RBFOX1: variants seen among roughly 807,000 people sequenced by gnomAD.
RBFOX1 encodes the protein RNA binding protein fox-1 homolog 1.
In RBFOX1, 8 loss-of-function variants were observed where a neutral mutation model predicts 57.7. That is an observed-to-expected ratio of 0.14 (90% CI 0.08 to 0.25). The LOEUF (loss-of-function observed/expected upper bound fraction) is 0.25. Among genes scored for constraint, RBFOX1 ranks in the 10% least tolerant of loss-of-function variants. RBFOX1 has a pLI of 1.00. For synonymous variants in RBFOX1, 326 were observed against 222.4 expected, an observed-to-expected ratio of 1.47 and a Z score of -4.15; for missense variants, 611 against 548.5, an observed-to-expected ratio of 1.11 and a Z score of -1.14.
intron 2 of RBFOX1, among the ~76,000 whole-genome samples, chr16:5,489,026 A>G (rs1017652484): frequency 2.0e-5 from 3 of 152,348 alleles, no homozygotes; most frequent in South Asian, 2.1e-4. Context: ...GCATTTTCAT[A>G]CATAAGAACG....
At chr16:6,211,103 C>G (rs536135858) in intron 1 of RBFOX1, among the ~76,000 whole-genome samples, 3 of 135,706 alleles carry the variant, frequency 2.2e-5, no homozygotes, top group Non-Finnish European at 5.0e-5. Flanking sequence ...GACCCTTACT[C>G]CAGGGGATGT....
chr16:7,376,963 C>T (rs2097696448), intron 4 of RBFOX1, among the ~76,000 whole-genome samples: 2 of 152,064 alleles, frequency 1.3e-5, no homozygotes, highest in African/African-American at 4.8e-5. Flanking sequence ...AACATAGTAT[C>T]CTTGTATGTC....
At chr16:7,333,015 A>C (rs762273975) in intron 4 of RBFOX1, 3 of 1,613,576 alleles carry the variant, frequency 1.9e-6, no homozygotes, top group East Asian at 4.5e-5. Context: ...CTGGCGTCTC[A>C]AGGAGTTCTC....
intron 4 of RBFOX1, among the ~76,000 whole-genome samples, chr16:7,387,543 G>T (rs1161921891): frequency 6.6e-6 from 1 of 152,194 alleles, no homozygotes; most frequent in Non-Finnish European, 1.5e-5. Flanking sequence ...CAAGAAGAGA[G>T]TGGCACATTG....
chr16:6,848,682 C>T (rs1039133239), intron 3 of RBFOX1, among the ~76,000 whole-genome samples: 1 of 152,022 alleles, frequency 6.6e-6, no homozygotes, highest in Non-Finnish European at 1.5e-5. Flanking sequence ...AGGTAGATAG[C>T]TGGGCAGATG....
At chr16:7,185,463 G>A (rs1297731793) in intron 4 of RBFOX1, among the ~76,000 whole-genome samples, 1 of 152,152 alleles carries the variant, frequency 6.6e-6, no homozygotes, top group Non-Finnish European at 1.5e-5. Flanking sequence ...CTAGATTAGA[G>A]CTATCTGGGT....
chr16:6,479,002 C>G (rs55994434), intron 2 of RBFOX1, among the ~76,000 whole-genome samples: 3,611 of 152,198 alleles, frequency 0.024, 119 homozygotes, highest in African/African-American at 0.071. Flanking sequence ...TTGCTCAGCA[C>G]AAGGTTGCCA....
intron 3 of RBFOX1, among the ~76,000 whole-genome samples, chr16:6,936,618 T>C (rs759503006): frequency 6.6e-6 from 1 of 152,114 alleles, no homozygotes; most frequent in Non-Finnish European, 1.5e-5. Context: ...CTATAAAATA[T>C]TCACAGAAGC....
intron 3 of RBFOX1, among the ~76,000 whole-genome samples, chr16:6,923,369 A>C (rs1229220083): frequency 6.6e-6 from 1 of 152,094 alleles, no homozygotes; most frequent in East Asian, 1.9e-4. Flanking sequence ...CCCCATCTCT[A>C]CTAACAATAC....
chr16:6,599,988 C>T (rs1601097920), intron 2 of RBFOX1, among the ~76,000 whole-genome samples: 1 of 152,118 alleles, frequency 6.6e-6, no homozygotes, highest in East Asian at 1.9e-4. Flanking sequence ...AACATGTTGT[C>T]CTATTGCCAT....
At chr16:7,643,944 C>A (rs2063286546) in intron 11 of RBFOX1, among the ~76,000 whole-genome samples, 1 of 152,104 alleles carries the variant, frequency 6.6e-6, no homozygotes, top group African/African-American at 2.4e-5. Context: ...CAACAGATTC[C>A]CCTGCAAATT....
At position 7,018,643 on chromosome 16, in the gene RBFOX1, G is replaced by C. The variant is rs374724511; in HGVS notation, c.-15-33414G>C. Reference sequence around the variant, plus strand: ...TTATTTCTAGTTCTAGATCCTTGAGGAATTGCCACACTGTGTTCCACAACA... The same window carrying C: ...TTATTTCTAGTTCTAGATCCTTGAGCAATTGCCACACTGTGTTCCACAACA... On this transcript the variant is annotated intron_variant, in intron 3 of 15. Coordinates refer to ENST00000550418, the MANE Select transcript of RBFOX1 (RefSeq NM_018723.4). 1.1e-3 allele frequency among the ~76,000 whole-genome samples: 170 copies of C among 152,164 alleles called. 1 individual carries two copies. Among genetic ancestry groups the C allele is most frequent in the African/African-American group, 3.9e-3 (163 of 41,510 alleles).
intron 1 of RBFOX1, among the ~76,000 whole-genome samples, chr16:6,108,494 G>T (rs2096408199): frequency 1.3e-5 from 2 of 152,128 alleles, no homozygotes; most frequent in Admixed American, 1.3e-4. Flanking sequence ...CTATTATGTG[G>T]CATTATCATC....
chr16:6,988,522 G>C (rs1026800613), intron 3 of RBFOX1, among the ~76,000 whole-genome samples: 2 of 151,570 alleles, frequency 1.3e-5, no homozygotes, highest in African/African-American at 4.8e-5. Context: ...AGTCTTACCT[G>C]TTTTATTTTT....
intron 2 of RBFOX1, among the ~76,000 whole-genome samples, chr16:6,563,748 C>T (rs1378214137): frequency 6.6e-6 from 1 of 151,936 alleles, no homozygotes; most frequent in Non-Finnish European, 1.5e-5. Context: ...ATCAGTAGGG[C>T]TTGGGAGGTG....
chr16:7,392,268 C>A (rs1194036937), intron 4 of RBFOX1, among the ~76,000 whole-genome samples: 1 of 152,290 alleles, frequency 6.6e-6, no homozygotes, highest in East Asian at 1.9e-4. Flanking sequence ...GGACAACTTT[C>A]CCCTGTAGTC....
chr16:5,479,816 G>A (rs2069462448), intron 2 of RBFOX1, among the ~76,000 whole-genome samples: 1 of 151,598 alleles, frequency 6.6e-6, no homozygotes, highest in South Asian at 2.1e-4. Flanking sequence ...ATGGTGGTCA[G>A]ACGTGTCCTT....
At chr16:6,085,365 C>T (rs570281100) in intron 1 of RBFOX1, among the ~76,000 whole-genome samples, 4 of 152,154 alleles carry the variant, frequency 2.6e-5, no homozygotes, top group Admixed American at 6.5e-5. Context: ...CTCTGCCTAG[C>T]GGGTTCAAGC....
chr16:7,553,957 A>G (rs959966372), intron 5 of RBFOX1, among the ~76,000 whole-genome samples: 1 of 152,208 alleles, frequency 6.6e-6, no homozygotes, highest in African/African-American at 2.4e-5. Flanking sequence ...TAAAGAATGT[A>G]AGAAGGCCAG....
Sources: gnomAD v4.1 joint callset for allele counts (sites outside exome capture counted in the v4.1 genomes callset) on GRCh38, gnomAD v4.1.1 for gene constraint, MANE v1.5 for transcripts, NCBI Gene and HGNC (gene_info 2026-07-23, HGNC 2026-07-21) for gene names.